Variants in KRT8 observed in about 807,000 individuals in gnomAD.
The protein encoded by KRT8 is keratin, type II cytoskeletal 8.
Under a neutral mutation model 43.0 loss-of-function variants are expected in KRT8, and 24 were observed. The observed-to-expected ratio is 0.56, with a 90% CI of 0.40 to 0.78. The LOEUF is 0.78. Among genes scored for constraint, KRT8 ranks in the 30% least tolerant of loss-of-function variants. The pLI, the probability that KRT8 is intolerant of heterozygous loss-of-function variation, is 0.00. For missense variants in KRT8, 492 were observed against 638.4 expected, an observed-to-expected ratio of 0.77 and a Z score of 2.47; for synonymous variants, 214 against 261.2, an observed-to-expected ratio of 0.82 and a Z score of 1.74.
intron 2 of KRT8, among the ~76,000 whole-genome samples, chr12:52,942,497 A>T (rs1942283066): frequency 6.6e-6 from 1 of 151,500 alleles, no homozygotes; most frequent in African/African-American, 2.4e-5. Context: ...AGATTCTGAT[A>T]CTCTCTCTCA....
chr12:52,929,710 G>A (rs145883598), intron 2 of KRT8, among the ~76,000 whole-genome samples: 101 of 152,168 alleles, frequency 6.6e-4, no homozygotes, highest in African/African-American at 2.3e-3. Flanking sequence ...AGCTGAAGGG[G>A]CACATGCATT....
chr12:52,921,497 T>C (rs1941885491), intron 2 of KRT8, among the ~76,000 whole-genome samples: 1 of 152,088 alleles, frequency 6.6e-6, no homozygotes, highest in Non-Finnish European at 1.5e-5. Context: ...CAGGCCCCCA[T>C]GGCCTGACCC....
At chr12:52,902,110 G>A (rs1443784043) in intron 1 of KRT8, 38 bp from the exon 2 acceptor site, 4 of 1,335,326 alleles carry the variant, frequency 3.0e-6, no homozygotes, top group Non-Finnish European at 4.3e-6. Flanking sequence ...GTCTACATCA[G>A]GCCAGGGCTC....
chr12:52,948,756 C>T (rs1393891667), intron 2 of KRT8: 6 of 403,740 alleles, frequency 1.5e-5, no homozygotes, highest in Admixed American at 4.4e-5. Context: ...TCCCAAAGTG[C>T]TGAGATTACA....
upstream of KRT8, chr12:52,907,178 T>C (rs1437701883): frequency 1.8e-5 from 3 of 163,524 alleles, 1 homozygote; most frequent in East Asian, 5.5e-4. Context: ...TTCTCCCAGC[T>C]CCTTTAAACA....
rs186994050 is a variant in KRT8 at position 52,904,228 on chromosome 12, A to C, written c.324+430T>G. Reference sequence around the variant, plus strand: ...CGAACCTGGAGGAGGGTAGTCCCCGAACAGCTGGGACTGCCGCAGGGCGAT... The same window carrying C: ...CGAACCTGGAGGAGGGTAGTCCCCGCACAGCTGGGACTGCCGCAGGGCGAT... On this transcript the variant is annotated intron_variant, in intron 1 of 7. Coordinates refer to ENST00000692008, the Ensembl canonical transcript of KRT8. Among the ~76,000 whole-genome samples, 1,190 of 152,266 alleles carry C rather than the reference A, an allele frequency of 7.8e-3. 18 individuals carry two copies. Among genetic ancestry groups the C allele is most frequent in the African/African-American group, 0.027 (1,117 of 41,556 alleles).
upstream of KRT8, among the ~76,000 whole-genome samples, chr12:52,905,448 A>T (rs1412226695): frequency 6.6e-6 from 1 of 152,088 alleles, no homozygotes; most frequent in Non-Finnish European, 1.5e-5. Context: ...CATGGGAAAA[A>T]GGGGTCTCCT....
intron 2 of KRT8, among the ~76,000 whole-genome samples, chr12:52,919,750 G>A (rs1592175755): frequency 6.6e-6 from 1 of 152,082 alleles, no homozygotes; most frequent in South Asian, 2.1e-4. Context: ...GGGTTCTCAA[G>A]CTATTCTCCT....
chr12:52,904,782 G>A, exon 1 of KRT8: 2 of 1,612,332 alleles, frequency 1.2e-6, no homozygotes, highest in Non-Finnish European at 8.5e-7. Context: ...CTGGTTGACC[G>A]TAACTGCGGT....
At position 52,897,560 on chromosome 12, in the gene KRT8, GC is replaced by G. The variant is rs1565715032; in HGVS notation, c.1319del (p.Gly440AlafsTer24). 6 of 1,598,216 alleles carry G rather than the reference GC, an allele frequency of 3.8e-6. No homozygotes were observed. In the South Asian group the frequency reaches 5.5e-5, roughly 15 times the overall value. On this transcript the variant is annotated frameshift_variant, in exon 8 of 8. Coordinates refer to ENST00000692008, the Ensembl canonical transcript of KRT8. LOFTEE classifies it high-confidence loss of function. ...AGCCCGCGCCAGAGCCAAAGCTGGA[GC>G]CCAGGCTGTAGCTGAGGCCGGGGCT...
chr12:52,940,859 C>A (rs1270910975), intron 2 of KRT8, among the ~76,000 whole-genome samples: 1 of 151,892 alleles, frequency 6.6e-6, no homozygotes, highest in African/African-American at 2.4e-5. Context: ...AACTTCTGAA[C>A]TCGTGATCCA....
chr12:52,906,975 A>G (rs1477036051), upstream of KRT8: 3 of 351,548 alleles, frequency 8.5e-6, no homozygotes, highest in Admixed American at 1.2e-4. Flanking sequence ...AGCTCTCTTC[A>G]CAATGCACGC....
intron 7 of KRT8, 47 bp downstream of exon 7, chr12:52,898,414 C>T (rs760517874): frequency 3.2e-6 from 5 of 1,563,764 alleles, no homozygotes; most frequent in Non-Finnish European, 4.4e-6. Flanking sequence ...CTGAGGCCTC[C>T]CTGGGCCCTG....
intron 2 of KRT8, among the ~76,000 whole-genome samples, chr12:52,931,236 T>C (rs2120697053): frequency 6.6e-6 from 1 of 152,092 alleles, no homozygotes; most frequent in South Asian, 2.1e-4. Flanking sequence ...CCTGGCTAAT[T>C]TTTTGCATTT....
chr12:52,897,582 G>A, exon 8 of KRT8: 2 of 1,598,226 alleles, frequency 1.3e-6, no homozygotes, highest in Non-Finnish European at 1.7e-6. Context: ...GCTGAGGCCG[G>A]GGCTTGTGAG....
At chr12:52,913,701 G>A (rs994676081) in intron 2 of KRT8, among the ~76,000 whole-genome samples, 2 of 151,874 alleles carry the variant, frequency 1.3e-5, no homozygotes, top group East Asian at 3.9e-4. Context: ...TGACGCACAC[G>A]CCAAGGTGCA....
exon 8 of KRT8, chr12:52,897,464 C>T (rs761206079): frequency 1.3e-6 from 2 of 1,599,466 alleles, no homozygotes; most frequent in Admixed American, 1.7e-5. Flanking sequence ...CAGACACCAG[C>T]TTCCCATCAC....
At chr12:52,935,399 A>AG (rs750913655) in intron 2 of KRT8, among the ~76,000 whole-genome samples, 6,801 of 140,384 alleles carry the variant, frequency 0.048, 355 homozygotes, top group East Asian at 0.14. Flanking sequence ...AAAAAAAAAA[A>AG]AAAAAAAAAA....
intron 2 of KRT8, chr12:52,947,573 T>G (rs1942367104): frequency 6.6e-6 from 1 of 152,204 alleles, no homozygotes; most frequent in Non-Finnish European, 1.5e-5. Context: ...CTCTGCCTCC[T>G]GGGTTCAAGC....
Sources: gnomAD v4.1 joint callset for allele counts (sites outside exome capture counted in the v4.1 genomes callset) on GRCh38, gnomAD v4.1.1 for gene constraint, MANE v1.5 for transcripts, NCBI Gene and HGNC (gene_info 2026-07-23, HGNC 2026-07-21) for gene names.